ADAMTS12: variants seen among roughly 807,000 people sequenced by gnomAD.
ADAMTS12 encodes the protein ADAM metallopeptidase with thrombospondin type 1 motif 12.
ADAMTS12 carries 118 observed loss-of-function variants against 167.8 expected under a neutral mutation model. The observed-to-expected ratio is 0.70, with a 90% CI of 0.61 to 0.82. ADAMTS12 has a LOEUF of 0.82. Among genes scored for constraint, ADAMTS12 ranks in the 40% least tolerant of loss-of-function variants. The pLI is 0.00. For missense variants in ADAMTS12, 1,916 were observed against 1,998.8 expected, an observed-to-expected ratio of 0.96 and a Z score of 0.79; for synonymous variants, 704 against 716.9, an observed-to-expected ratio of 0.98 and a Z score of 0.29.
At chr5:33,633,391 G>T (rs1384714224) in intron 12 of ADAMTS12, among the ~76,000 whole-genome samples, 1 of 150,390 alleles carries the variant, frequency 6.6e-6, no homozygotes, top group East Asian at 2.0e-4. Flanking sequence ...ACACACATGT[G>T]TGTTGACTAT....
At chr5:33,594,287 T>G (rs927370807) in intron 17 of ADAMTS12, among the ~76,000 whole-genome samples, 12 of 152,364 alleles carry the variant, frequency 7.9e-5, no homozygotes, top group African/African-American at 2.9e-4. Context: ...CTGCCACGAT[T>G]GTGAGGCCTC....
chr5:33,832,273 G>A (rs1187959404), intron 2 of ADAMTS12, among the ~76,000 whole-genome samples: 3 of 152,162 alleles, frequency 2.0e-5, no homozygotes. Context: ...GACTCCTTGT[G>A]TGAGATTCAT....
At chr5:33,861,615 T>A (rs1749618739) in intron 2 of ADAMTS12, among the ~76,000 whole-genome samples, 1 of 152,160 alleles carries the variant, frequency 6.6e-6, no homozygotes, top group Admixed American at 6.5e-5. Flanking sequence ...ATGAGACAGA[T>A]CAATGAGACA....
intron 13 of ADAMTS12, among the ~76,000 whole-genome samples, chr5:33,628,301 G>A (rs1363678869): frequency 1.3e-5 from 2 of 152,056 alleles, no homozygotes; most frequent in African/African-American, 2.4e-5. Flanking sequence ...AGTGGGTGGA[G>A]GTGAGTAGGG....
chr5:33,595,174 T>C (rs1747858475), intron 17 of ADAMTS12, among the ~76,000 whole-genome samples: 1 of 152,124 alleles, frequency 6.6e-6, no homozygotes, highest in African/African-American at 2.4e-5. Flanking sequence ...TCTCTCTCTT[T>C]TTTTTAAACA....
chr5:33,527,393 A>G (rs779693158), intron 23 of ADAMTS12, 27 bp from the exon 24 acceptor site: 3 of 1,607,926 alleles, frequency 1.9e-6, no homozygotes, highest in Non-Finnish European at 1.7e-6. Context: ...AGAATAAGAA[A>G]AAAGTCCAAA....
chr5:33,526,701 T>C lies in ADAMTS12; in HGVS notation c.*487A>G, dbSNP rs1283322140. 1 of 154,424 alleles carries C rather than the reference T, an allele frequency of 6.5e-6. No individual in the cohort carries two copies. The highest frequency in any genetic ancestry group is 1.4e-5 in the Non-Finnish European group (1 of 69,562). 9.6% of individuals were successfully genotyped at this position (154,424 alleles called of 1,614,324 possible). A position where few individuals can be genotyped will look rare whatever the true frequency, so the allele number is the denominator to read the frequency against. On this transcript the variant is annotated 3_prime_UTR_variant, in exon 24 of 24. Transcript: ENST00000504830. ...TCTGCCTGGATGAATTAAAGGAATG[T>C]TCCTAAAGCTCCGCTGTGACATTTT...
chr5:33,844,082 T>G (rs1193422816), intron 2 of ADAMTS12, among the ~76,000 whole-genome samples: 1 of 152,172 alleles, frequency 6.6e-6, no homozygotes, highest in African/African-American at 2.4e-5. Context: ...CCCCAATCAA[T>G]ACCCTTGTGA....
Position 33,797,593 on chromosome 5 carries a change from C to T in ADAMTS12, c.490-46045G>A, listed in dbSNP as rs190364224. On this transcript the variant is annotated intron_variant, in intron 2 of 23. Transcript: ENST00000504830. ...TCAGAACTTAGTGATGAAGGTTCCC[C>T]ACAGAGAAATTCAGTACATTCCCAA... 8.4e-5 allele frequency among the ~76,000 whole-genome samples: 12 copies of T among 143,270 alleles called. No homozygotes were observed. The East Asian group carries it at 2.3e-3, about 28-fold the overall frequency. 94.0% of individuals were successfully genotyped at this position (143,270 alleles called of 152,430 possible).
At chr5:33,683,776 A>C in intron 4 of ADAMTS12, 83 bp downstream of exon 4, 3 of 1,073,482 alleles carry the variant, frequency 2.8e-6, no homozygotes, top group Non-Finnish European at 3.7e-6. Flanking sequence ...GGACCCCAAA[A>C]AGGCCTTTCT....
chr5:33,722,078 G>A (rs1037492467), intron 3 of ADAMTS12, among the ~76,000 whole-genome samples: 2 of 152,134 alleles, frequency 1.3e-5, no homozygotes, highest in African/African-American at 4.8e-5. Flanking sequence ...GCACTCCTCT[G>A]GCCACAGTGT....
At position 33,788,148 on chromosome 5, in the gene ADAMTS12, GC is replaced by G. The variant is rs779649614; in HGVS notation, c.490-36601del. 7.2e-5 allele frequency among the ~76,000 whole-genome samples: 11 copies of G among 152,264 alleles called. No individual in the cohort carries two copies. In the South Asian group the frequency reaches 2.3e-3, roughly 32 times the overall value. On this transcript the variant is annotated intron_variant, in intron 2 of 23. Transcript: ENST00000504830. ...TACAGTCTTGCTCTGGAATATGGACGCCTGTCCACAGATGGCTCCTTCTGAA... is the reference window on the plus strand; with the variant it reads ...TACAGTCTTGCTCTGGAATATGGACGCTGTCCACAGATGGCTCCTTCTGAA...
intron 18 of ADAMTS12, among the ~76,000 whole-genome samples, chr5:33,587,809 C>G (rs1442370897): frequency 6.6e-6 from 1 of 152,122 alleles, no homozygotes; most frequent in Non-Finnish European, 1.5e-5. Context: ...GCATCCATCT[C>G]TAAACTCTGG....
At chr5:33,529,767 T>A (rs1744005914) in intron 23 of ADAMTS12, among the ~76,000 whole-genome samples, 1 of 152,204 alleles carries the variant, frequency 6.6e-6, no homozygotes, top group Non-Finnish European at 1.5e-5. Flanking sequence ...TTAAGTGCCC[T>A]TAGGAATTGG....
At chr5:33,588,467 C>G (rs1370974022) in intron 18 of ADAMTS12, 132 bp downstream of exon 18, 3 of 1,044,364 alleles carry the variant, frequency 2.9e-6, no homozygotes, top group Middle Eastern at 2.4e-4. Flanking sequence ...AGGCAGGAGA[C>G]AGGCCAGGGG....
intron 2 of ADAMTS12, among the ~76,000 whole-genome samples, chr5:33,870,816 T>C (rs1383655750): frequency 6.6e-6 from 1 of 152,176 alleles, no homozygotes; most frequent in Non-Finnish European, 1.5e-5. Flanking sequence ...GCCTACCCCT[T>C]CGCTTTCTCT....
intron 3 of ADAMTS12, among the ~76,000 whole-genome samples, chr5:33,734,140 A>C (rs1744287404): frequency 6.6e-6 from 1 of 152,182 alleles, no homozygotes; most frequent in South Asian, 2.1e-4. Context: ...TCAGTGGGTA[A>C]AGAGAGAAGA....
chr5:33,752,800 C>A (rs1308627152), intron 2 of ADAMTS12, among the ~76,000 whole-genome samples: 13 of 152,198 alleles, frequency 8.5e-5, no homozygotes, highest in Admixed American at 7.2e-4. Context: ...GCAGATGAGT[C>A]TGAAGACAAG....
intron 5 of ADAMTS12, among the ~76,000 whole-genome samples, chr5:33,669,596 A>G (rs556608390): frequency 6.6e-6 from 1 of 152,294 alleles, no homozygotes; most frequent in African/African-American, 2.4e-5. Flanking sequence ...ACTTAAATTA[A>G]TATTACACTT....
Sources: gnomAD v4.1 joint callset for allele counts (sites outside exome capture counted in the v4.1 genomes callset) on GRCh38, gnomAD v4.1.1 for gene constraint, MANE v1.5 for transcripts, NCBI Gene and HGNC (gene_info 2026-07-23, HGNC 2026-07-21) for gene names.